The following SCRN1 variants were observed in gnomAD, a reference collection of about 807,000 sequenced individuals.
The protein encoded by SCRN1 is secernin 1.
SCRN1 carries 19 observed loss-of-function variants against 43.3 expected under a neutral mutation model. That is an observed-to-expected ratio of 0.44 (90% CI 0.31 to 0.64). The LOEUF (loss-of-function observed/expected upper bound fraction) is 0.64, where lower values mean the gene tolerates loss of function less well. Ranked by LOEUF, SCRN1 falls within the 30% of genes least tolerant of loss-of-function variation. SCRN1 has a pLI of 0.09. For synonymous variants in SCRN1, 183 were observed against 188.9 expected (o/e 0.97, Z 0.26); for missense variants, 447 against 524.1 (o/e 0.85, Z 1.44).
chr7:29,974,048 T>A (rs776638577), intron 1 of SCRN1, among the ~76,000 whole-genome samples: 1 of 152,198 alleles, frequency 6.6e-6, no homozygotes, highest in Non-Finnish European at 1.5e-5. Flanking sequence ...CCCAAATACT[T>A]GCCCAGGAAA....
chr7:29,986,583 G>T (rs1789161600), intron 1 of SCRN1, among the ~76,000 whole-genome samples: 4 of 151,736 alleles, frequency 2.6e-5, no homozygotes. Context: ...AATAACTTTT[G>T]TTTATCTGTA....
rs1326663949 is a variant in SCRN1, at chr7:29,950,078, T to G, written c.341+5101A>C. Among the ~76,000 whole-genome samples, 2 of 152,170 alleles carry G rather than the reference T, an allele frequency of 1.3e-5. No homozygotes were observed. The highest frequency in any genetic ancestry group is 4.8e-5 in the African/African-American group (2 of 41,446). The stretch of plus-strand genomic sequence containing the variant: ...CCAAGTTGGCAGGGTGGGAGCCCCA[T>G]GCTCCCAGGCACAGCTGCAGCTGCT... On this transcript the variant is annotated intron_variant, in intron 3 of 7. Transcript: ENST00000242059. The surrounding 1 kb of genome is among the most constrained non-coding windows in gnomAD (Gnocchi z 4.5).
intron 3 of SCRN1, 82 bp from the exon 4 acceptor site, chr7:29,944,261 C>A (rs918346167): frequency 2.2e-5 from 28 of 1,283,604 alleles, no homozygotes; most frequent in African/African-American, 2.9e-5. Flanking sequence ...CTGGGCAAGG[C>A]CGAGTTATGA....
At chr7:29,971,456 G>C (rs1207364160) in intron 1 of SCRN1, among the ~76,000 whole-genome samples, 1 of 151,976 alleles carries the variant, frequency 6.6e-6, no homozygotes, top group Non-Finnish European at 1.5e-5. Flanking sequence ...AACATGGAGA[G>C]ACCCTGTTTC....
intron 4 of SCRN1, among the ~76,000 whole-genome samples, chr7:29,943,653 C>T (rs1787630899): frequency 6.6e-6 from 1 of 152,208 alleles, no homozygotes; most frequent in Admixed American, 6.5e-5. Flanking sequence ...ACCTATTACA[C>T]AAGAAGAGTC....
At position 29,952,967 on chromosome 7, in the gene SCRN1, T is replaced by C. The variant is rs79260631; in HGVS notation, c.341+2212A>G. On this transcript the variant is annotated intron_variant, in intron 3 of 7. Coordinates refer to ENST00000242059, the MANE Select transcript of SCRN1 (RefSeq NM_014766.5). ...ACGTTATATGGTGAAGGTTAAACTC[T>C]CACCCTGTCATCTACTCCTGACCTT... Among the ~76,000 whole-genome samples the C allele has an allele frequency of 6.5e-3, 992 of 152,300 alleles. 10 individuals are homozygous for C. Among genetic ancestry groups the C allele is most frequent in the African/African-American group, 0.023 (951 of 41,560 alleles).
intron 4 of SCRN1, among the ~76,000 whole-genome samples, chr7:29,942,201 T>G (rs552566751): frequency 2.0e-5 from 3 of 152,046 alleles, no homozygotes; most frequent in Non-Finnish European, 2.9e-5. Context: ...TGTAAGCAAC[T>G]CTACAGATAT....
intron 1 of SCRN1, among the ~76,000 whole-genome samples, chr7:29,980,303 T>C (rs986782834): frequency 6.6e-6 from 1 of 152,160 alleles, no homozygotes; most frequent in African/African-American, 2.4e-5. Flanking sequence ...CTGTGGGAAA[T>C]AGGGAGGTAC....
At chr7:29,974,417 C>T (rs925313077) in intron 1 of SCRN1, among the ~76,000 whole-genome samples, 6 of 152,152 alleles carry the variant, frequency 3.9e-5, no homozygotes, top group African/African-American at 1.4e-4. Context: ...CTATGTTTCA[C>T]ACAAATAGTG....
rs1436238876 is a variant in SCRN1 at position 29,965,840 on chromosome 7, G to A, written c.159+3069C>T. On this transcript the variant is annotated intron_variant, in intron 2 of 7. Transcript: ENST00000242059. The surrounding 1 kb of genome is among the most constrained non-coding windows in gnomAD (Gnocchi z 4.2). The stretch of plus-strand genomic sequence containing the variant: ...GTCCTTAAAATAATTGTAACCATGA[G>A]AGTAAAGTAAGAGTTATGTAGCCTA... 6.6e-6 allele frequency among the ~76,000 whole-genome samples: 1 copy of A among 152,042 alleles called. No homozygotes were observed. Among genetic ancestry groups the A allele is most frequent in the Non-Finnish European group, 1.5e-5 (1 of 68,014 alleles).
chr7:29,981,198 C>T (rs534375930), intron 1 of SCRN1, among the ~76,000 whole-genome samples: 89 of 151,258 alleles, frequency 5.9e-4, no homozygotes, highest in Non-Finnish European at 9.9e-4. Flanking sequence ...AAAAAAAATA[C>T]ACTAAAGCTT....
At chr7:29,969,402 C>T (rs1426336009) in intron 1 of SCRN1, 3 of 349,012 alleles carry the variant, frequency 8.6e-6, no homozygotes, top group Non-Finnish European at 1.6e-5. Context: ...CACATACACA[C>T]ACTGCAATCT....
At chr7:29,988,608 T>C (rs1014395154) in intron 1 of SCRN1, 1 of 152,412 alleles carries the variant, frequency 6.6e-6, no homozygotes, top group African/African-American at 2.4e-5. Flanking sequence ...CCGCAACTGA[T>C]GCATCTTCTA....
chr7:29,979,802 C>G (rs777511221), intron 1 of SCRN1, among the ~76,000 whole-genome samples: 11 of 152,142 alleles, frequency 7.2e-5, no homozygotes, highest in Non-Finnish European at 1.6e-4. Context: ...GAACAGATAA[C>G]TTATGTAGGA....
intron 2 of SCRN1, among the ~76,000 whole-genome samples, chr7:29,958,134 G>A (rs1788197515): frequency 6.6e-6 from 1 of 152,176 alleles, no homozygotes; most frequent in South Asian, 2.1e-4. Flanking sequence ...CAGGCCCCGA[G>A]CCTGGAACAC....
intron 1 of SCRN1, among the ~76,000 whole-genome samples, chr7:29,981,489 CAG>C (rs1342528597): frequency 1.3e-5 from 2 of 152,294 alleles, no homozygotes; most frequent in African/African-American, 4.8e-5. Context: ...GCCTAGCTGA[CAG>C]GGGAGTAAAT....
chr7:29,936,918 C>T (rs1447195551), intron 5 of SCRN1, among the ~76,000 whole-genome samples, 197 bp from the exon 6 acceptor site: 3 of 151,990 alleles, frequency 2.0e-5, no homozygotes, highest in Non-Finnish European at 2.9e-5. Context: ...TGGTGGCAGG[C>T]GCCTGTAGTC....
chr7:29,986,869 C>T (rs1789176666), intron 1 of SCRN1, among the ~76,000 whole-genome samples: 2 of 151,866 alleles, frequency 1.3e-5, no homozygotes, highest in Non-Finnish European at 2.9e-5. Flanking sequence ...GGACTACAGG[C>T]GCGTGCCACC....
chr7:29,926,554 G>A lies in SCRN1; in HGVS notation c.984C>T (p.Asp328=), dbSNP rs1313802998. Residue 328 remains aspartate (D), a synonymous_variant, in exon 7 of 8, where the codon GAC becomes GAT. Coordinates refer to ENST00000242059, the MANE Select transcript of SCRN1 (RefSeq NM_014766.5). ...ACCGAGGCTCCTTTTTGGCAGGGTC[G>A]TCATCCCCAAAACAGGGAGACTGTG... ...PKTQSPCFGD[D]DPAKKEPRFQ... 2 of 1,614,104 alleles carry A rather than the reference G, an allele frequency of 1.2e-6. No homozygotes were observed. Among genetic ancestry groups the A allele is most frequent in the East Asian group, 2.2e-5 (1 of 44,878 alleles).
Sources: gnomAD v4.1 joint callset for allele counts (sites outside exome capture counted in the v4.1 genomes callset) on GRCh38, gnomAD v4.1.1 for gene constraint, Gnocchi (gnomAD v3.1) non-coding constraint, MANE v1.5 for transcripts, NCBI Gene and HGNC (gene_info 2026-07-23, HGNC 2026-07-21) for gene names.